Variants in CPZ observed in about 807,000 individuals in gnomAD.
CPZ encodes VEZT/CPZ fusion.
In CPZ, 103 loss-of-function variants were observed where a neutral mutation model predicts 61.8. That is an observed-to-expected ratio of 1.67 (90% CI 1.42 to 1.96). The LOEUF is 1.96. CPZ is among the 30% of genes most tolerant of loss of function. The pLI, the probability that CPZ is intolerant of heterozygous loss-of-function variation, is 0.00. For synonymous variants in CPZ, 551 were observed against 373.7 expected (o/e 1.47, Z -5.47); for missense variants, 1,461 against 914.9 (o/e 1.60, Z -7.70).
chr4:8,603,330 G>C (rs982427776), intron 3 of CPZ: 47 of 152,374 alleles, frequency 3.1e-4, no homozygotes, highest in African/African-American at 1.1e-3. Flanking sequence ...GGGGAAGCTG[G>C]TGCGTATGTG....
chr4:8,600,861 T>A, intron 2 of CPZ: 1 of 1,113,262 alleles, frequency 9.0e-7, no homozygotes, highest in Non-Finnish European at 1.1e-6. Context: ...GCTTTGCAGA[T>A]GGAGACGCCG....
At position 8,618,713 on chromosome 4, in the gene CPZ, T is replaced by G. The variant is rs539535743; in HGVS notation, c.1603+185T>G. ...AGGGTCTGCGTCTCCTTACAGCATTTGGTGAGGGAAGAGCTTGCCCAGCCG... is the reference window on the plus strand; with the variant it reads ...AGGGTCTGCGTCTCCTTACAGCATTGGGTGAGGGAAGAGCTTGCCCAGCCG... On this transcript the variant is annotated intron_variant, in intron 10 of 10. Transcript: ENST00000360986. Among the ~76,000 whole-genome samples the G allele has an allele frequency of 9.1e-4, 138 of 152,204 alleles. 1 individual carries two copies. In the South Asian group the frequency reaches 0.028, roughly 31 times the overall value.
At chr4:8,606,643 T>G (rs1715034293) in intron 5 of CPZ, 94 bp from the exon 6 acceptor site, 1 of 1,514,426 alleles carries the variant, frequency 6.6e-7, no homozygotes, top group African/African-American at 1.4e-5. Flanking sequence ...CCGCAGCCCC[T>G]GGCCTTGACC....
At chr4:8,595,069 G>A (rs1714077646) in intron 1 of CPZ, among the ~76,000 whole-genome samples, 1 of 152,224 alleles carries the variant, frequency 6.6e-6, no homozygotes, top group Non-Finnish European at 1.5e-5. Flanking sequence ...ACCACGCCTG[G>A]CCTGTAACAG....
intron 7 of CPZ, 41 bp downstream of exon 7, chr4:8,607,466 G>A: frequency 6.2e-7 from 1 of 1,601,596 alleles, no homozygotes; most frequent in Non-Finnish European, 8.5e-7. Context: ...GGGAGACAGT[G>A]TGCGCGGTCC....
rs1714930948 is a variant in CPZ, at chr4:8,605,641, T to TCCATCCATC, written c.710-347_710-346insCATCCATCC. 2.3e-5 allele frequency among the ~76,000 whole-genome samples: 3 copies of TCCATCCATC among 131,418 alleles called. 1 individual carries two copies. Among genetic ancestry groups the TCCATCCATC allele is most frequent in the African/African-American group, 7.6e-5 (2 of 26,490 alleles). The allele number at this position is 131,418 out of a possible 152,430, so 86.2% of individuals were successfully genotyped here. A position where few individuals can be genotyped will look rare whatever the true frequency, so the allele number is the denominator to read the frequency against. ...ATCCATCCATCATTGATATATCCAT[T>TCCATCCATC]CATCCACTCAAGGGCCAACCACCTT... On this transcript the variant is annotated intron_variant, in intron 4 of 10. Transcript: ENST00000360986.
In CPZ at chr4:8,607,354, G is replaced by T; in HGVS notation, c.1156G>T (p.Val386Leu). The T allele has an allele frequency of 1.2e-6, 2 of 1,614,106 alleles. No individual in the cohort carries two copies. The highest frequency in any genetic ancestry group is 1.7e-6 in the Non-Finnish European group (2 of 1,179,984). The change falls in exon 7 of 11, where the codon GTG becomes TTG. Residue 386 changes from valine (V) to leucine (L), a missense_variant. Physicochemically the swap from Val to Leu is conservative, Grantham distance 32. Coordinates refer to ENST00000360986, the MANE Select transcript of CPZ (RefSeq NM_001014447.3). ...SASLHGGDLV[V>L]SYPFDFSKHP... ...CAGCCTTCATGGGGGCGACCTGGTG[G>T]TGTCCTACCCCTTCGACTTCTCCAA...
intron 1 of CPZ, among the ~76,000 whole-genome samples, chr4:8,598,314 C>T (rs1714328096): frequency 6.6e-6 from 1 of 152,222 alleles, no homozygotes; most frequent in South Asian, 2.1e-4. Flanking sequence ...CACAGAGCAG[C>T]CCAGGTCTCT....
intron 7 of CPZ, among the ~76,000 whole-genome samples, chr4:8,608,142 C>CAGCTTCCAGCTT (rs1230960036): frequency 8.7e-5 from 12 of 137,822 alleles, no homozygotes; most frequent in African/African-American, 3.3e-4. Context: ...GCCTCCAGCC[C>CAGCTTCCAGCTT]CCAGCCCCCA....
intron 4 of CPZ, among the ~76,000 whole-genome samples, chr4:8,605,775 T>G (rs1249994112): frequency 6.6e-6 from 1 of 152,226 alleles, no homozygotes; most frequent in Non-Finnish European, 1.5e-5. Context: ...TATTCTTGAG[T>G]TATGCTAACT....
intron 7 of CPZ, among the ~76,000 whole-genome samples, chr4:8,609,615 G>A (rs1715479113): frequency 1.3e-5 from 2 of 148,594 alleles, no homozygotes; most frequent in South Asian, 4.2e-4. Context: ...CTCTGCACAG[G>A]CCCAGTGTGT....
At chr4:8,609,184 G>GCATTCACTCAGTCCCTCATTCACTTACT in intron 7 of CPZ, among the ~76,000 whole-genome samples, 1 of 109,324 alleles carries the variant, frequency 9.1e-6, no homozygotes. Flanking sequence ...ATTCACTCAG[G>GCATTCACTCAGTCCCTCATTCACTTACT]CATTCACTCA....
At chr4:8,609,217 C>CACTCCCTCACTCACTTACTCATTG (rs1553877680) in intron 7 of CPZ, among the ~76,000 whole-genome samples, 6 of 138,270 alleles carry the variant, frequency 4.3e-5, no homozygotes, top group African/African-American at 1.6e-4. Context: ...CTTACTCATT[C>CACTCCCTCACTCACTTACTCATTG]ACTTACTCAC....
At chr4:8,600,529 G>T (rs536037351) in intron 2 of CPZ, among the ~76,000 whole-genome samples, 3 of 152,232 alleles carry the variant, frequency 2.0e-5, no homozygotes, top group African/African-American at 4.8e-5. Context: ...GGCTTTTGGA[G>T]CTAAACAAAC....
At position 8,619,404 on chromosome 4, in the gene CPZ, A is replaced by C; in HGVS notation, c.1746A>C (p.Gln582His). 4 of 1,614,106 alleles carry C rather than the reference A, an allele frequency of 2.5e-6. No homozygotes were observed. The highest frequency in any genetic ancestry group is 3.4e-6 in the Non-Finnish European group (4 of 1,179,998). The change falls in exon 11 of 11, where the codon CAA (glutamine) becomes CAC (histidine). Residue 582 changes from glutamine to histidine, a missense_variant. Transcript: ENST00000360986. ...KRAGRVDFILQPLGMGPKNFI... is the reference protein window; with the variant it reads ...KRAGRVDFILHPLGMGPKNFI... The stretch of plus-strand genomic sequence containing the variant: ...CTGGCCGTGTGGACTTCATTCTGCA[A>C]CCTCTGGGGATGGGACCCAAGAACT...
At chr4:8,616,272 A>C (rs936840971) in intron 9 of CPZ, among the ~76,000 whole-genome samples, 1 of 151,954 alleles carries the variant, frequency 6.6e-6, no homozygotes, top group Non-Finnish European at 1.5e-5. Context: ...AGTCTACATC[A>C]CCTGGGGCGA....
In CPZ at chr4:8,592,839, GCCC is replaced by G; in HGVS notation, c.9_11del (p.Pro4del). 1 of 1,473,534 alleles carries G rather than the reference GCCC, an allele frequency of 6.8e-7. No individual in the cohort carries two copies. Among genetic ancestry groups the G allele is most frequent in the South Asian group, 1.3e-5 (1 of 76,546 alleles). The allele number at this position is 1,473,534 out of a possible 1,614,324, so 91.3% of individuals were successfully genotyped here. ...CCAAGGTCCGCCGCCCCACCATGCC[GCCC>G]CCGCTGCCGCTGCTGCTCCTTACAG... On this transcript the variant is annotated inframe_deletion, in exon 1 of 11. Coordinates refer to ENST00000360986, the MANE Select transcript of CPZ (RefSeq NM_001014447.3).
At position 8,604,074 on chromosome 4, in the gene CPZ, C is replaced by T. The variant is rs141164374; in HGVS notation, c.595C>T (p.Arg199Trp). ...CGCCCAGATGGTGCGTGTGCTGAGG[C>T]GGACGGCCTCCCGCTGCGCCCACGT... ...SYAQMVRVLR[R>W]TASRCAHVAR... Residue 199 changes from arginine to tryptophan, a missense_variant, in exon 4 of 11, where the codon CGG (arginine) becomes TGG (tryptophan). Coordinates refer to ENST00000360986, the MANE Select transcript of CPZ (RefSeq NM_001014447.3). 5.0e-4 allele frequency: 802 copies of T among 1,610,268 alleles called. 3 individuals carry two copies. Among genetic ancestry groups the T allele is most frequent in the Non-Finnish European group, 6.1e-4 (720 of 1,179,198 alleles).
At chr4:8,605,211 C>A (rs1389909523) in intron 4 of CPZ, among the ~76,000 whole-genome samples, 1 of 152,102 alleles carries the variant, frequency 6.6e-6, no homozygotes, top group African/African-American at 2.4e-5. Flanking sequence ...ACATCATTTT[C>A]CAGGGGAGCA....
Sources: gnomAD v4.1 joint callset for allele counts (sites outside exome capture counted in the v4.1 genomes callset) on GRCh38, gnomAD v4.1.1 for gene constraint, MANE v1.5 for transcripts, NCBI Gene and HGNC (gene_info 2026-07-23, HGNC 2026-07-21) for gene names.